The following ZMYM2 variants were observed in gnomAD, a reference collection of about 807,000 sequenced individuals.
ZMYM2 encodes zinc finger MYM-type containing 2.
ZMYM2 carries 56 observed loss-of-function variants against 162.8 expected under a neutral mutation model. That is an observed-to-expected ratio of 0.34 (90% CI 0.28 to 0.43). ZMYM2 has a LOEUF of 0.43. ZMYM2 is among the 20% of genes least tolerant of loss of function. ZMYM2 has a pLI of 1.00. For synonymous variants in ZMYM2, 510 were observed against 541.6 expected (o/e 0.94, Z 0.81); for missense variants, 1,275 against 1,621.8 (o/e 0.79, Z 3.67).
At chr13:19,962,076 G>A (rs1381057756) in intron 2 of ZMYM2, among the ~76,000 whole-genome samples, 1 of 152,136 alleles carries the variant, frequency 6.6e-6, no homozygotes, top group African/African-American at 2.4e-5. Context: ...CTGGGCTTTT[G>A]TATCTCATGT....
chr13:19,882,241 C>T, the ZMYM2 span, among the ~76,000 whole-genome samples: 1 of 152,024 alleles, frequency 6.6e-6, no homozygotes, highest in South Asian at 2.1e-4. Context: ...AAAAGACAAC[C>T]TTCATAATGG....
the ZMYM2 span, among the ~76,000 whole-genome samples, chr13:19,946,103 T>G: frequency 1.3e-5 from 2 of 152,298 alleles, no homozygotes; most frequent in African/African-American, 4.8e-5. Context: ...CCACCCTATT[T>G]GAGGCTACCA....
At chr13:20,080,664 A>AT (rs1420396355) in intron 21 of ZMYM2, among the ~76,000 whole-genome samples, 1 of 151,938 alleles carries the variant, frequency 6.6e-6, no homozygotes, top group East Asian at 1.9e-4. Flanking sequence ...TAATTTTTGT[A>AT]TTTTTTGTAG....
chr13:19,947,919 A>T, the ZMYM2 span, among the ~76,000 whole-genome samples: 7 of 151,056 alleles, frequency 4.6e-5, no homozygotes, highest in Non-Finnish European at 1.5e-5. Flanking sequence ...TCTCTTCTTC[A>T]CTCTATGCCA....
At chr13:19,910,705 G>A in the ZMYM2 span, among the ~76,000 whole-genome samples, 1,271 of 152,070 alleles carry the variant, frequency 8.4e-3, 6 homozygotes, top group Non-Finnish European at 0.014. Context: ...CCAACCCTGC[G>A]ATCACTCTTC....
chr13:19,925,212 A>C, the ZMYM2 span, among the ~76,000 whole-genome samples: 4 of 152,154 alleles, frequency 2.6e-5, no homozygotes, highest in Admixed American at 2.6e-4. Context: ...ACTGTTTTCT[A>C]TAGTGGCTGT....
At chr13:19,907,001 C>T in the ZMYM2 span, among the ~76,000 whole-genome samples, 1 of 152,162 alleles carries the variant, frequency 6.6e-6, no homozygotes, top group Non-Finnish European at 1.5e-5. Context: ...GCTGGGATTA[C>T]AGGCATGAGC....
At chr13:19,946,197 GGT>G in the ZMYM2 span, among the ~76,000 whole-genome samples, 2 of 152,078 alleles carry the variant, frequency 1.3e-5, no homozygotes, top group African/African-American at 4.8e-5. Context: ...AAGTGGCCAG[GGT>G]TATATGCTTA....
At chr13:19,884,044 C>A in the ZMYM2 span, among the ~76,000 whole-genome samples, 1 of 152,166 alleles carries the variant, frequency 6.6e-6, no homozygotes, top group Non-Finnish European at 1.5e-5. Context: ...AGGCATGAGC[C>A]CCCGGGCGTG....
chr13:19,899,023 G>A, the ZMYM2 span, among the ~76,000 whole-genome samples: 4 of 149,172 alleles, frequency 2.7e-5, no homozygotes, highest in African/African-American at 9.9e-5. Flanking sequence ...CTTGATCTCA[G>A]CTCACTGCAG....
In ZMYM2 at chr13:20,082,137, C is replaced by T. The variant is rs905550330; in HGVS notation, c.3568+7C>T. 25 of 1,562,574 alleles carry T rather than the reference C, an allele frequency of 1.6e-5. No individual in the cohort carries two copies. The highest frequency in any genetic ancestry group is 1.7e-4 in the Middle Eastern group (1 of 5,972). On this transcript the variant is annotated splice_region_variant and intron_variant, in intron 22 of 24. Coordinates refer to ENST00000610343, the MANE Select transcript of ZMYM2 (RefSeq NM_197968.4). ...CCAAGCATACTTCCAGATGGTAATG[C>T]TATTTTCACTAAAGGTGTTGCTCTC...
chr13:20,052,173 CT>C (rs1955418617), intron 13 of ZMYM2, 103 bp from the exon 14 acceptor site: 4 of 919,442 alleles, frequency 4.4e-6, no homozygotes, highest in African/African-American at 3.4e-5. Flanking sequence ...AAAATATTTT[CT>C]TTAGTCACAT....
At chr13:19,910,226 T>TA in the ZMYM2 span, among the ~76,000 whole-genome samples, 1,974 of 145,668 alleles carry the variant, frequency 0.014, 43 homozygotes, top group African/African-American at 0.045. Flanking sequence ...AACTCTGTCT[T>TA]AAAAAAAAAA....
At chr13:20,021,024 G>T (rs1952041061) in intron 7 of ZMYM2, among the ~76,000 whole-genome samples, 1 of 150,294 alleles carries the variant, frequency 6.7e-6, no homozygotes, top group Non-Finnish European at 1.5e-5. Context: ...CACCCAGGCT[G>T]GAGTGCAGTG....
chr13:20,000,231 T>A (rs574162544), intron 3 of ZMYM2, among the ~76,000 whole-genome samples: 1 of 152,286 alleles, frequency 6.6e-6, no homozygotes, highest in South Asian at 2.1e-4. Context: ...TTATGAGAAC[T>A]GAGAGAGATA....
rs566376800 is a variant in ZMYM2 at position 19,981,757 on chromosome 13, C to T, written c.-10-11306C>T. Among the ~76,000 whole-genome samples, 51 of 152,236 alleles carry T rather than the reference C, an allele frequency of 3.4e-4. 1 individual carries two copies. The South Asian group carries it at 7.5e-3, about 22-fold the overall frequency. On this transcript the variant is annotated intron_variant, in intron 2 of 24. Transcript: ENST00000610343. ...TTCTCCCCTTAGATAGTTACTGTTT[C>T]TACCAACTTGAGTTTTTCATCCCAT...
the ZMYM2 span, among the ~76,000 whole-genome samples, chr13:19,874,718 A>G: frequency 2.0e-5 from 3 of 151,342 alleles, no homozygotes; most frequent in Admixed American, 6.6e-5. Flanking sequence ...GTAAGAAAAG[A>G]TATACAGATT....
intron 21 of ZMYM2, chr13:20,068,326 A>G (rs1956830757): frequency 5.7e-6 from 1 of 175,694 alleles, no homozygotes; most frequent in Admixed American, 6.3e-5. Context: ...TCATGAAAAC[A>G]CAGTAAACAG....
At chr13:19,987,572 C>CGTGTGTGTGTGTGTGTGTGTGT (rs36128018) in intron 2 of ZMYM2, among the ~76,000 whole-genome samples, 1 of 133,244 alleles carries the variant, frequency 7.5e-6, no homozygotes, top group Non-Finnish European at 1.6e-5. Flanking sequence ...CGCCCCGCTA[C>CGTGTGTGTGTGTGTGTGTGTGT]GTGTGTGTGT....
Sources: allele counts gnomAD v4.1 joint callset (sites outside exome capture counted in the v4.1 genomes callset), GRCh38; gene constraint gnomAD v4.1.1; transcripts MANE v1.5; gene names NCBI Gene and HGNC (gene_info 2026-07-23, HGNC 2026-07-21).